Variants in KIZ observed in about 807,000 individuals in gnomAD.
KIZ encodes kizuna centrosomal protein.
In KIZ, 68 loss-of-function variants were observed where a neutral mutation model predicts 79.6. That is an observed-to-expected ratio of 0.85 (90% CI 0.70 to 1.05). The LOEUF is 1.05. KIZ is among the 50% of genes least tolerant of loss of function. The probability of loss-of-function intolerance (pLI) is 0.00; values close to 1 mark genes in which losing one functional copy is unlikely to be tolerated. For missense variants in KIZ, 797 were observed against 800.4 expected (o/e 1.00, Z 0.05); for synonymous variants, 280 against 281.8 (o/e 0.99, Z 0.06).
chr20:21,225,439 A>G (rs567625415), intron 9 of KIZ, among the ~76,000 whole-genome samples: 3 of 152,322 alleles, frequency 2.0e-5, no homozygotes, highest in South Asian at 4.2e-4. Flanking sequence ...CTGGATTTCT[A>G]AGTCAGGCTA....
intron 6 of KIZ, among the ~76,000 whole-genome samples, chr20:21,184,818 G>A (rs1223389625): frequency 6.6e-6 from 1 of 152,264 alleles, no homozygotes; most frequent in South Asian, 2.1e-4. Context: ...GAGGTGGGAG[G>A]ATTACTTGAG....
rs1208351563 is a variant in KIZ, at chr20:21,232,525, G to A, written c.1784-209G>A. Among the ~76,000 whole-genome samples the A allele has an allele frequency of 3.5e-4, 54 of 152,194 alleles. 1 individual carries two copies. Among genetic ancestry groups the A allele is most frequent in the Admixed American group, 3.4e-3 (52 of 15,294 alleles). ...TTTCACTTTTTGTGGCTTGTGTTTC[G>A]GTATCACAGGAAAGTGCCTCACTCC... On this transcript the variant is annotated intron_variant, in intron 10 of 12. Transcript: ENST00000619189.
intron 7 of KIZ, among the ~76,000 whole-genome samples, chr20:21,210,469 G>A (rs1251546444): frequency 6.6e-6 from 1 of 151,858 alleles, no homozygotes; most frequent in Non-Finnish European, 1.5e-5. Context: ...CTTTACAGAG[G>A]TCCCCTGTCC....
intron 3 of KIZ, 64 bp from the exon 4 acceptor site, chr20:21,145,501 A>G (rs1363152507): frequency 4.5e-6 from 3 of 666,668 alleles, no homozygotes; most frequent in East Asian, 6.3e-5. Flanking sequence ...TAAAGACCGC[A>G]GTATACAGAC....
At position 21,232,760 on chromosome 20, in the gene KIZ, G is replaced by A. The variant is rs777972968; in HGVS notation, c.1810G>A (p.Glu604Lys). The change falls in exon 11 of 13, where the codon GAG becomes AAG. Residue 604 changes from glutamate to lysine, a missense_variant. Physicochemically the swap from Glu to Lys is moderately conservative, Grantham distance 56. Coordinates refer to ENST00000619189, the MANE Select transcript of KIZ (RefSeq NM_018474.6). ...TTTGAATATTGGCAGCGGTGCATTCGAGACAAAGACAGCTAACAAAATTGC... is the reference window on the plus strand; with the variant it reads ...TTTGAATATTGGCAGCGGTGCATTCAAGACAAAGACAGCTAACAAAATTGC... The part of the protein sequence containing the change: ...SGLNIGSGAF[E>K]TKTANKIASE... 93 of 1,590,424 alleles carry A rather than the reference G, an allele frequency of 5.8e-5. No individual in the cohort carries two copies. The Admixed American group carries it at 1.1e-3, about 19-fold the overall frequency.
intron 6 of KIZ, among the ~76,000 whole-genome samples, chr20:21,184,746 CTT>C (rs1198194632): frequency 6.6e-6 from 1 of 152,168 alleles, no homozygotes; most frequent in African/African-American, 2.4e-5. Context: ...GGAAATAAGA[CTT>C]TAATGTTTCC....
At chr20:21,166,316 AAGC>A (rs2033936262) in intron 6 of KIZ, 1 of 1,604,024 alleles carries the variant, frequency 6.2e-7, no homozygotes, top group Non-Finnish European at 8.5e-7. Context: ...GGCAGGATGG[AAGC>A]AGATTATTCT....
intron 4 of KIZ, among the ~76,000 whole-genome samples, chr20:21,156,084 T>C (rs1052076129): frequency 2.0e-5 from 3 of 152,246 alleles, no homozygotes; most frequent in Non-Finnish European, 4.4e-5. Context: ...TTAAAAATCA[T>C]CTTTATTTTA....
At chr20:21,155,864 T>G (rs1393179986) in intron 4 of KIZ, among the ~76,000 whole-genome samples, 2 of 152,234 alleles carry the variant, frequency 1.3e-5, no homozygotes, top group African/African-American at 4.8e-5. Context: ...TACGTGAACT[T>G]GTTTGTCCAC....
chr20:21,219,991 C>A (rs2036448929), intron 9 of KIZ, among the ~76,000 whole-genome samples: 1 of 152,030 alleles, frequency 6.6e-6, no homozygotes, highest in South Asian at 2.1e-4. Flanking sequence ...ATATAATCTA[C>A]CCCTTTTATT....
intron 3 of KIZ, among the ~76,000 whole-genome samples, chr20:21,138,439 A>G (rs752436560): frequency 6.6e-6 from 1 of 152,238 alleles, no homozygotes; most frequent in Non-Finnish European, 1.5e-5. Flanking sequence ...TGCTGATGCT[A>G]TCTAATACAG....
chr20:21,175,786 A>C (rs368443720), intron 6 of KIZ, among the ~76,000 whole-genome samples: 37 of 152,308 alleles, frequency 2.4e-4, no homozygotes, highest in African/African-American at 7.9e-4. Context: ...AGGCTGAGGC[A>C]GGCATATCAC....
At chr20:21,139,108 T>C (rs1485454216) in intron 3 of KIZ, 1 of 151,076 alleles carries the variant, frequency 6.6e-6, no homozygotes, top group Non-Finnish European at 1.5e-5. Flanking sequence ...TATGATGGAC[T>C]TGTGAATTTC....
chr20:21,168,645 A>G (rs1381623200), intron 6 of KIZ, among the ~76,000 whole-genome samples: 2 of 152,202 alleles, frequency 1.3e-5, no homozygotes, highest in Non-Finnish European at 2.9e-5. Flanking sequence ...AGCCAAAAGA[A>G]CAAAGCTGGA....
intron 9 of KIZ, among the ~76,000 whole-genome samples, chr20:21,217,265 C>T (rs2036331759): frequency 6.6e-6 from 1 of 152,226 alleles, no homozygotes; most frequent in African/African-American, 2.4e-5. Flanking sequence ...GAGCTTCACG[C>T]ACCTTGGCAC....
chr20:21,188,255 G>A (rs980176793), intron 6 of KIZ, among the ~76,000 whole-genome samples: 2 of 152,188 alleles, frequency 1.3e-5, no homozygotes, highest in African/African-American at 2.4e-5. Flanking sequence ...CCCATACCAG[G>A]GAGGAAGGAA....
intron 11 of KIZ, among the ~76,000 whole-genome samples, chr20:21,238,772 G>A (rs2037119643): frequency 6.6e-6 from 1 of 152,172 alleles, no homozygotes; most frequent in Non-Finnish European, 1.5e-5. Context: ...AGTCTGTCTT[G>A]TTTGCTGCTG....
At chr20:21,126,010 G>A (rs1334989128), upstream of KIZ, 9 of 1,329,482 alleles carry the variant, frequency 6.8e-6, no homozygotes, top group Middle Eastern at 2.6e-4. Flanking sequence ...CCTGCAGGCG[G>A]CCCGGCGCGG....
intron 6 of KIZ, among the ~76,000 whole-genome samples, chr20:21,187,123 A>C (rs531941337): frequency 6.6e-6 from 1 of 152,294 alleles, no homozygotes; most frequent in Non-Finnish European, 1.5e-5. Flanking sequence ...TTAAAAAAAA[A>C]CACAATTCAA....
Sources: allele counts gnomAD v4.1 joint callset (sites outside exome capture counted in the v4.1 genomes callset), GRCh38; gene constraint gnomAD v4.1.1; transcripts MANE v1.5; gene names NCBI Gene and HGNC (gene_info 2026-07-23, HGNC 2026-07-21).